Variants in GLIS3 observed in about 807,000 individuals in gnomAD.
GLIS3 encodes the protein GLIS family zinc finger 3, also known as zinc finger protein GLIS3.
A neutral mutation model predicts 78.6 loss-of-function variants in GLIS3; 53 were observed. The ratio of observed to expected loss-of-function variants is 0.67; its 90% CI spans 0.54 to 0.85. The LOEUF is 0.85. Among genes scored for constraint, GLIS3 ranks in the 40% least tolerant of loss-of-function variants. GLIS3 has a pLI of 0.00. For synonymous variants in GLIS3, 684 were observed against 509.9 expected (o/e 1.34, Z -4.60); for missense variants, 1,703 against 1,231.1 (o/e 1.38, Z -5.74).
rs538328358 is a variant in GLIS3 at position 4,060,736 on chromosome 9, G to C, written c.1710+57032C>G. Among the ~76,000 whole-genome samples the C allele has an allele frequency of 6.9e-4, 105 of 152,282 alleles. 1 individual carries two copies. The highest frequency in any genetic ancestry group is 2.5e-3 in the African/African-American group (103 of 41,554). On this transcript the variant is annotated intron_variant, in intron 4 of 10. Transcript: ENST00000381971. ...CTTGAATTCCTCAGCTTCCACAACT[G>C]TAAGATAGAAGTTCCTTTTCTTGTT...
chr9:4,461,041 T>C, the GLIS3 span, among the ~76,000 whole-genome samples: 1 of 152,176 alleles, frequency 6.6e-6, no homozygotes, highest in Admixed American at 6.5e-5. Flanking sequence ...TTTCTGGGAG[T>C]TGGAGATGTT....
At chr9:4,067,405 C>T (rs545104657) in intron 4 of GLIS3, among the ~76,000 whole-genome samples, 1 of 152,052 alleles carries the variant, frequency 6.6e-6, no homozygotes, top group Non-Finnish European at 1.5e-5. Flanking sequence ...ACTGTCTTAC[C>T]ACTTAATTTT....
intron 2 of GLIS3, among the ~76,000 whole-genome samples, chr9:4,315,567 G>T (rs1395160155): frequency 6.6e-6 from 1 of 152,104 alleles, no homozygotes; most frequent in Admixed American, 6.5e-5. Context: ...CCGCCTACAT[G>T]CCTTAGAAAT....
At chr9:3,843,524 C>T (rs1387634649) in intron 9 of GLIS3, among the ~76,000 whole-genome samples, 1 of 152,212 alleles carries the variant, frequency 6.6e-6, no homozygotes, top group African/African-American at 2.4e-5. Context: ...TCTCTGTTAT[C>T]TCCATCTGGC....
rs748464735 is a variant in GLIS3 at position 3,829,411 on chromosome 9, C to T, written c.2555G>A (p.Ser852Asn). The change falls in exon 10 of 11, where the codon AGT becomes AAT. Residue 852 changes from serine (S) to asparagine (N), a missense_variant. By Grantham distance (46) the Ser-to-Asn change is conservative. Transcript: ENST00000381971. ...GCAGTCCTCAAACGAAGGCACCACA[C>T]TGCAGGAGCTGACAGGCGGCACAAT... ...QRIVPPVSSC[S>N]VVPSFEDCLV... is the part of the protein sequence containing the mutation. The T allele has an allele frequency of 6.2e-7, 1 of 1,614,154 alleles. No homozygotes were observed. The highest frequency in any genetic ancestry group is 1.1e-5 in the South Asian group (1 of 91,078).
At chr9:4,360,322 G>C in the GLIS3 span, among the ~76,000 whole-genome samples, 9 of 152,230 alleles carry the variant, frequency 5.9e-5, no homozygotes, top group Non-Finnish European at 1.2e-4. Flanking sequence ...TGGTCATTAG[G>C]AGAAAAACAT....
chr9:4,319,045 T>G (rs916726024), intron 2 of GLIS3, among the ~76,000 whole-genome samples: 9 of 152,212 alleles, frequency 5.9e-5, no homozygotes, highest in African/African-American at 2.2e-4. Context: ...ACAGCTGGCC[T>G]GTACTCTTCA....
chr9:3,858,893 T>C (rs1689842706), intron 8 of GLIS3, among the ~76,000 whole-genome samples: 1 of 152,222 alleles, frequency 6.6e-6, no homozygotes. Flanking sequence ...ATAGAATCCA[T>C]TTTGTTACTG....
chr9:4,482,042 T>C, the GLIS3 span, among the ~76,000 whole-genome samples: 2 of 152,244 alleles, frequency 1.3e-5, no homozygotes, highest in Non-Finnish European at 2.9e-5. Context: ...TGAAGATTTT[T>C]TCATGTTTTA....
chr9:4,288,476 T>C (rs16921043), intron 1 of GLIS3, among the ~76,000 whole-genome samples: 11,558 of 105,652 alleles, frequency 0.11, 703 homozygotes, highest in Admixed American at 0.19. Flanking sequence ...TTTCCAGGTT[T>C]TTAAAAATAA....
At chr9:4,244,782 G>C (rs934568056) in intron 2 of GLIS3, among the ~76,000 whole-genome samples, 8 of 151,920 alleles carry the variant, frequency 5.3e-5, no homozygotes, top group Admixed American at 4.6e-4. Flanking sequence ...AACCATGCTG[G>C]CCAGGCTGGT....
chr9:4,477,772 G>C, the GLIS3 span, among the ~76,000 whole-genome samples: 1 of 152,140 alleles, frequency 6.6e-6, no homozygotes, highest in Non-Finnish European at 1.5e-5. Context: ...ATGTTCTGGA[G>C]ATGGATAGTG....
intron 2 of GLIS3, among the ~76,000 whole-genome samples, chr9:4,326,330 TAAAC>T (rs1817599630): frequency 6.6e-6 from 1 of 152,122 alleles, no homozygotes; most frequent in African/African-American, 2.4e-5. Flanking sequence ...GATAAATGGA[TAAAC>T]AAAATGTGGT....
At chr9:4,253,603 C>T (rs1262732265) in intron 2 of GLIS3, among the ~76,000 whole-genome samples, 1 of 152,182 alleles carries the variant, frequency 6.6e-6, no homozygotes, top group Non-Finnish European at 1.5e-5. Flanking sequence ...AGCCCCCTTT[C>T]CAGGTGAGTG....
At chr9:3,930,884 T>C (rs1327582663) in intron 6 of GLIS3, among the ~76,000 whole-genome samples, 4 of 151,782 alleles carry the variant, frequency 2.6e-5, no homozygotes, top group African/African-American at 4.9e-5. Context: ...AAGGTATATA[T>C]AGATGATAAC....
chr9:4,347,914 C>A (rs1270349573), intron 1 of GLIS3, among the ~76,000 whole-genome samples: 1 of 152,078 alleles, frequency 6.6e-6, no homozygotes, highest in African/African-American at 2.4e-5. Flanking sequence ...GAGTTTTAGC[C>A]ACACATTTAG....
chr9:4,482,449 T>C, the GLIS3 span, among the ~76,000 whole-genome samples: 1 of 152,170 alleles, frequency 6.6e-6, no homozygotes, highest in East Asian at 1.9e-4. Flanking sequence ...AAAAAGTGTG[T>C]CTAGCTGCGC....
the GLIS3 span, among the ~76,000 whole-genome samples, chr9:4,385,589 T>C: frequency 6.8e-6 from 1 of 145,990 alleles, no homozygotes; most frequent in African/African-American, 2.6e-5. Context: ...TGCTTGAACC[T>C]AGGAGGCAGA....
At chr9:4,430,568 C>T in the GLIS3 span, among the ~76,000 whole-genome samples, 1 of 152,152 alleles carries the variant, frequency 6.6e-6, no homozygotes, top group Admixed American at 6.5e-5. Flanking sequence ...AAGCTAAGAT[C>T]AGTTAATTTA....
Sources: gnomAD v4.1 joint callset for allele counts (sites outside exome capture counted in the v4.1 genomes callset) on GRCh38, gnomAD v4.1.1 for gene constraint, MANE v1.5 for transcripts, NCBI Gene and HGNC (gene_info 2026-07-23, HGNC 2026-07-21) for gene names.